NALF1: variants seen among roughly 807,000 people sequenced by gnomAD.
NALF1 encodes NALCN channel auxiliary factor 1.
In NALF1, 3 loss-of-function variants were observed where a neutral mutation model predicts 48.4. That is an observed-to-expected ratio of 0.06 (90% confidence interval 0.03 to 0.16). The LOEUF (loss-of-function observed/expected upper bound fraction) is 0.16, where lower values mean the gene tolerates loss of function less well. NALF1 is among the 10% of genes least tolerant of loss of function. NALF1 has a pLI of 1.00. For synonymous variants in NALF1, 262 were observed against 245.7 expected, an observed-to-expected ratio of 1.07 and a Z score of -0.62; for missense variants, 526 against 571.5, an observed-to-expected ratio of 0.92 and a Z score of 0.81.
At chr13:107,265,411 CTTTA>C (rs1290521022) in intron 1 of NALF1, among the ~76,000 whole-genome samples, 1 of 152,048 alleles carries the variant, frequency 6.6e-6, no homozygotes, top group Non-Finnish European at 1.5e-5. Context: ...ATGCTGTAGA[CTTTA>C]TTTTTTATTT....
chr13:107,180,370 T>C (rs1879036462), intron 2 of NALF1, among the ~76,000 whole-genome samples: 1 of 152,066 alleles, frequency 6.6e-6, no homozygotes, highest in African/African-American at 2.4e-5. Flanking sequence ...GGAATAAATA[T>C]TTTCTAAGGA....
chr13:107,557,013 G>A (rs1877502063), intron 1 of NALF1, among the ~76,000 whole-genome samples: 1 of 152,178 alleles, frequency 6.6e-6, no homozygotes. Flanking sequence ...GAAATATCAT[G>A]TGTTGGGTTA....
intron 1 of NALF1, among the ~76,000 whole-genome samples, chr13:107,495,533 C>T (rs553664151): frequency 6.6e-6 from 1 of 152,308 alleles, no homozygotes; most frequent in Non-Finnish European, 1.5e-5. Context: ...CGCCAAACCC[C>T]TCCCTGGAAA....
chr13:107,254,071 A>G (rs908620139), intron 1 of NALF1, among the ~76,000 whole-genome samples: 5 of 149,896 alleles, frequency 3.3e-5, no homozygotes, highest in Non-Finnish European at 5.9e-5. Context: ...AAATATATAT[A>G]TATATATTAA....
intron 1 of NALF1, among the ~76,000 whole-genome samples, chr13:107,544,118 T>C (rs943036546): frequency 6.6e-6 from 1 of 152,128 alleles, no homozygotes; most frequent in Non-Finnish European, 1.5e-5. Context: ...ATAATTGAAA[T>C]GTACAAACAT....
intron 1 of NALF1, among the ~76,000 whole-genome samples, chr13:107,656,537 G>A (rs1262968058): frequency 1.3e-5 from 2 of 152,056 alleles, no homozygotes; most frequent in Admixed American, 6.6e-5. Flanking sequence ...GCAGTAAAAA[G>A]GAACATTTTT....
chr13:107,664,399 A>C (rs1201538489), intron 1 of NALF1, among the ~76,000 whole-genome samples: 5 of 152,218 alleles, frequency 3.3e-5, no homozygotes, highest in African/African-American at 7.2e-5. Flanking sequence ...CACTCTTGCT[A>C]CGCTTTCCTC....
chr13:107,838,080 G>A (rs1021972528), intron 1 of NALF1, among the ~76,000 whole-genome samples: 3 of 152,140 alleles, frequency 2.0e-5, no homozygotes, highest in African/African-American at 7.2e-5. Flanking sequence ...CGGTAAACTC[G>A]GCACAAGAAG....
At chr13:107,562,733 G>A (rs1877683710) in intron 1 of NALF1, among the ~76,000 whole-genome samples, 1 of 152,166 alleles carries the variant, frequency 6.6e-6, no homozygotes. Context: ...TATGCCTTGT[G>A]CTCCTGGCTA....
Position 107,168,858 on chromosome 13 carries a change from T to TAAG in NALF1, c.*1636_*1638dup, listed in dbSNP as rs1244489364. 3.3e-5 allele frequency: 5 copies of TAAG among 152,666 alleles called. No individual in the cohort carries two copies. The highest frequency in any genetic ancestry group is 1.2e-4 in the African/African-American group (5 of 41,462). The allele number at this position is 152,666 out of a possible 1,614,324, so 9.5% of individuals were successfully genotyped here. On this transcript the variant is annotated 3_prime_UTR_variant, in exon 3 of 3. Coordinates refer to ENST00000375915, the MANE Select transcript of NALF1 (RefSeq NM_001080396.3). ...AAGTTAATAACTAAATTTTGTTCAC[T>TAAG]AAGAGGACCTTTTCTATGGATTTCC...
chr13:107,179,527 A>T (rs1879017514), intron 2 of NALF1, among the ~76,000 whole-genome samples: 1 of 152,148 alleles, frequency 6.6e-6, no homozygotes, highest in Non-Finnish European at 1.5e-5. Flanking sequence ...GATTGTTTGT[A>T]ACATAAAGAA....
At chr13:107,426,887 C>A (rs543283377) in intron 1 of NALF1, among the ~76,000 whole-genome samples, 1 of 151,798 alleles carries the variant, frequency 6.6e-6, no homozygotes, top group Non-Finnish European at 1.5e-5. Flanking sequence ...ATTTCAGGCT[C>A]TTGATATAAC....
intron 1 of NALF1, among the ~76,000 whole-genome samples, chr13:107,577,161 C>T (rs1878179270): frequency 6.6e-6 from 1 of 152,168 alleles, no homozygotes. Context: ...TGACATCGTC[C>T]AGTTCCAGAG....
intron 1 of NALF1, among the ~76,000 whole-genome samples, chr13:107,635,544 A>G (rs1879953761): frequency 6.6e-6 from 1 of 152,058 alleles, no homozygotes; most frequent in African/African-American, 2.4e-5. Flanking sequence ...TTTACCCTTT[A>G]AGGCTAGCAT....
At chr13:107,434,394 G>T (rs1884431210) in intron 1 of NALF1, among the ~76,000 whole-genome samples, 1 of 152,160 alleles carries the variant, frequency 6.6e-6, no homozygotes, top group Non-Finnish European at 1.5e-5. Context: ...TAAAGACGGA[G>T]AATAGGTGTA....
chr13:107,185,993 A>G (rs1285891205), intron 2 of NALF1, among the ~76,000 whole-genome samples: 1 of 152,204 alleles, frequency 6.6e-6, no homozygotes, highest in Non-Finnish European at 1.5e-5. Flanking sequence ...TGAATTCTAA[A>G]TTACATGCTG....
intron 1 of NALF1, among the ~76,000 whole-genome samples, chr13:107,435,798 G>A (rs958520342): frequency 6.6e-6 from 1 of 151,598 alleles, no homozygotes; most frequent in South Asian, 2.1e-4. Flanking sequence ...AGCGGCGGGG[G>A]AGGGGGGGAA....
chr13:107,418,105 A>T (rs1438006601), intron 1 of NALF1, among the ~76,000 whole-genome samples: 1 of 152,164 alleles, frequency 6.6e-6, no homozygotes, highest in Non-Finnish European at 1.5e-5. Flanking sequence ...CTTAAATAGA[A>T]GACATTTTTC....
At chr13:107,390,680 A>G (rs1280681883) in intron 1 of NALF1, among the ~76,000 whole-genome samples, 6 of 152,256 alleles carry the variant, frequency 3.9e-5, no homozygotes, top group African/African-American at 1.4e-4. Context: ...ATTAGTTACT[A>G]TCCACGGCCA....
Sources: gnomAD v4.1 joint callset for allele counts (sites outside exome capture counted in the v4.1 genomes callset) on GRCh38, gnomAD v4.1.1 for gene constraint, MANE v1.5 for transcripts, NCBI Gene and HGNC (gene_info 2026-07-23, HGNC 2026-07-21) for gene names.